Variants in ERCC8 observed in about 807,000 individuals in gnomAD.
The protein encoded by ERCC8 is ERCC excision repair 8, CSA ubiquitin ligase complex subunit.
A neutral mutation model predicts 54.9 loss-of-function variants in ERCC8; 52 were observed. That is an observed-to-expected ratio of 0.95 (90% CI 0.76 to 1.19). The LOEUF is 1.19. ERCC8 is among the 50% of genes most tolerant of loss of function. The probability of loss-of-function intolerance (pLI) is 0.00; values close to 1 mark genes in which losing one functional copy is unlikely to be tolerated. For synonymous variants in ERCC8, 146 were observed against 157.2 expected (o/e 0.93, Z 0.53); for missense variants, 514 against 466.1 (o/e 1.10, Z -0.95).
rs4647068 is a variant in ERCC8, at chr5:60,927,706, T to C, written c.173+1158A>G. ...CCAAACCCAAAAGTCAGCTATCTCC[T>C]GCTGCTCATGTCTGCATGTTTCATA... On this transcript the variant is annotated intron_variant, in intron 2 of 11. Transcript: ENST00000676185. Among the ~76,000 whole-genome samples the C allele has an allele frequency of 0.024, 3,674 of 152,264 alleles. 62 individuals are homozygous for C. Among genetic ancestry groups the C allele is most frequent in the Non-Finnish European group, 0.038 (2,554 of 68,022 alleles).
intron 3 of ERCC8, among the ~76,000 whole-genome samples, chr5:60,921,431 T>A (rs1414115447): frequency 6.6e-6 from 1 of 151,684 alleles, no homozygotes; most frequent in Non-Finnish European, 1.5e-5. Flanking sequence ...ATGACCACAA[T>A]GGAAAAATTA....
intron 4 of ERCC8, among the ~76,000 whole-genome samples, chr5:60,911,371 T>C (rs1749254762): frequency 6.6e-6 from 1 of 152,178 alleles, no homozygotes; most frequent in Non-Finnish European, 1.5e-5. Flanking sequence ...TTTTCATGTG[T>C]CTGTTGGCTG....
intron 10 of ERCC8, among the ~76,000 whole-genome samples, chr5:60,889,239 T>C (rs1160407498): frequency 1.3e-5 from 2 of 152,240 alleles, no homozygotes; most frequent in Non-Finnish European, 2.9e-5. Context: ...TTGTACTTCA[T>C]ATTTTGTAGG....
Position 60,874,564 on chromosome 5 carries a change from A to C in ERCC8, c.*51T>G. On this transcript the variant is annotated 3_prime_UTR_variant, in exon 12 of 12. Transcript: ENST00000676185. Reference sequence around the variant, plus strand: ...TAGACCATACAGTTGAAAAAAACACAGTCTCATTTAAAAAGTTTCAGCAGA... The same window carrying C: ...TAGACCATACAGTTGAAAAAAACACCGTCTCATTTAAAAAGTTTCAGCAGA... The C allele has an allele frequency of 6.6e-7, 1 of 1,505,756 alleles. No individual in the cohort carries two copies. The allele number at this position is 1,505,756 out of a possible 1,614,324, so 93.3% of individuals were successfully genotyped here.
chr5:60,941,143 T>C (rs1489913628), intron 1 of ERCC8, among the ~76,000 whole-genome samples: 1 of 152,028 alleles, frequency 6.6e-6, no homozygotes, highest in Non-Finnish European at 1.5e-5. Flanking sequence ...CAGTGAGGCC[T>C]CATCTCTAAA....
intron 11 of ERCC8, among the ~76,000 whole-genome samples, chr5:60,877,691 A>C (rs941365354): frequency 6.6e-6 from 1 of 152,064 alleles, no homozygotes; most frequent in Non-Finnish European, 1.5e-5. Flanking sequence ...TTGGTGTATA[A>C]GAATGCTTGT....
At chr5:60,935,754 C>G (rs1279927039) in intron 1 of ERCC8, among the ~76,000 whole-genome samples, 1 of 151,492 alleles carries the variant, frequency 6.6e-6, no homozygotes, top group African/African-American at 2.4e-5. Context: ...TAATGGGATG[C>G]TGGATTTTGT....
At chr5:60,926,890 CTG>C (rs1281804244) in intron 2 of ERCC8, among the ~76,000 whole-genome samples, 2 of 152,148 alleles carry the variant, frequency 1.3e-5, no homozygotes, top group African/African-American at 4.8e-5. Context: ...TGTTTTGACT[CTG>C]TTAAAATGGC....
At chr5:60,895,801 G>C (rs1005679843) in intron 9 of ERCC8, among the ~76,000 whole-genome samples, 3 of 152,122 alleles carry the variant, frequency 2.0e-5, no homozygotes, top group Admixed American at 1.3e-4. Flanking sequence ...ATTCACATTT[G>C]TTTCTCAGGA....
intron 1 of ERCC8, among the ~76,000 whole-genome samples, chr5:60,936,640 C>A (rs1376028204): frequency 6.6e-6 from 1 of 152,022 alleles, no homozygotes; most frequent in Non-Finnish European, 1.5e-5. Context: ...TTTCAGACTT[C>A]CTGAGGTATG....
At chr5:60,912,774 C>T (rs965535649) in intron 4 of ERCC8, among the ~76,000 whole-genome samples, 5 of 152,036 alleles carry the variant, frequency 3.3e-5, no homozygotes, top group Admixed American at 6.6e-5. Flanking sequence ...CTATCAATAC[C>T]TAGTTTATTG....
Position 60,893,357 on chromosome 5 carries a change from C to T in ERCC8, c.844-2271G>A, listed in dbSNP as rs1748624289. On this transcript the variant is annotated intron_variant, in intron 9 of 11. Transcript: ENST00000676185. ...CTCACAGTAGCTCTTGATAGACCTGCGTTTTTGTCTTTCTTGCTCCTGGGC... is the reference window on the plus strand; with the variant it reads ...CTCACAGTAGCTCTTGATAGACCTGTGTTTTTGTCTTTCTTGCTCCTGGGC... The T allele has an allele frequency of 1.8e-5, 15 of 849,852 alleles. No homozygotes were observed. The South Asian group carries it at 2.0e-4, about 11-fold the overall frequency. The allele number at this position is 849,852 out of a possible 1,614,324, so 52.6% of individuals were successfully genotyped here.
chr5:60,870,883 C>T lies in ERCC8; in HGVS notation c.*3732G>A, dbSNP rs774498095. Among the ~76,000 whole-genome samples the T allele has an allele frequency of 3.3e-5, 5 of 151,990 alleles. No individual in the cohort carries two copies. The highest frequency in any genetic ancestry group is 6.6e-5 in the Admixed American group (1 of 15,240). On this transcript the variant is annotated 3_prime_UTR_variant, in exon 12 of 12. Transcript: ENST00000676185. ...TAAAAAAAGACATCAGATTTCTTGA[C>T]GAGATTAAGAAACTGTAAGTTTTTA...
chr5:60,896,393 G>C (rs1017034025), intron 9 of ERCC8, among the ~76,000 whole-genome samples: 1 of 152,114 alleles, frequency 6.6e-6, no homozygotes, highest in Non-Finnish European at 1.5e-5. Flanking sequence ...TGTATTTTTA[G>C]TAGAGACGGG....
At chr5:60,934,282 C>A (rs1232567993) in intron 1 of ERCC8, among the ~76,000 whole-genome samples, 1 of 152,194 alleles carries the variant, frequency 6.6e-6, no homozygotes, top group African/African-American at 2.4e-5. Context: ...GTCATTCTTG[C>A]AGGACTAAGG....
At chr5:60,936,515 A>G (rs1316649) in intron 1 of ERCC8, among the ~76,000 whole-genome samples, 30,421 of 151,632 alleles carry the variant, frequency 0.2, 3,603 homozygotes, top group Non-Finnish European at 0.27. Context: ...TGTCCTTTCA[A>G]TTTCATTTAT....
intron 8 of ERCC8, among the ~76,000 whole-genome samples, chr5:60,898,725 T>C (rs1748789207): frequency 6.6e-6 from 1 of 151,734 alleles, no homozygotes; most frequent in Non-Finnish European, 1.5e-5. Context: ...TCATCTCTCA[T>C]ATATTTTTAT....
At chr5:60,920,383 G>C (rs1364343841) in intron 3 of ERCC8, among the ~76,000 whole-genome samples, 1 of 151,762 alleles carries the variant, frequency 6.6e-6, no homozygotes, top group African/African-American at 2.4e-5. Context: ...ACAAATAAAA[G>C]CTCACTTATA....
At position 60,868,274 on chromosome 5, in the gene ERCC8, T is replaced by C. The variant is rs1349834080; in HGVS notation, c.*6341A>G. On this transcript the variant is annotated 3_prime_UTR_variant, in exon 12 of 12. Coordinates refer to ENST00000676185, the MANE Select transcript of ERCC8 (RefSeq NM_000082.4). ...CTTAACATTGACTTAATTGTGTTTT[T>C]AGAGACAGAATAACTAACCAGGTTG... 6.6e-6 allele frequency among the ~76,000 whole-genome samples: 1 copy of C among 152,224 alleles called. No individual in the cohort carries two copies. Among genetic ancestry groups the C allele is most frequent in the Non-Finnish European group, 1.5e-5 (1 of 68,038 alleles).
Sources: allele counts gnomAD v4.1 joint callset (sites outside exome capture counted in the v4.1 genomes callset), GRCh38; gene constraint gnomAD v4.1.1; transcripts MANE v1.5; gene names NCBI Gene and HGNC (gene_info 2026-07-23, HGNC 2026-07-21).